The following FHIT variants were observed in gnomAD, a reference collection of about 807,000 sequenced individuals.
The protein encoded by FHIT is fragile histidine triad diadenosine triphosphatase.
A neutral mutation model predicts 17.9 loss-of-function variants in FHIT; 19 were observed. The observed-to-expected ratio is 1.06, with a 90% CI of 0.74 to 1.56. The LOEUF is 1.56. FHIT is among the 40% of genes most tolerant of loss of function. The pLI is 0.00. For missense variants in FHIT, 248 were observed against 189.2 expected (o/e 1.31, Z -1.82); for synonymous variants, 81 against 69.7 (o/e 1.16, Z -0.81).
At chr3:59,785,923 T>A (rs1327303510) in intron 8 of FHIT, among the ~76,000 whole-genome samples, 4 of 152,176 alleles carry the variant, frequency 2.6e-5, no homozygotes, top group Admixed American at 1.3e-4. Flanking sequence ...GCCCCACCTA[T>A]GCGCTCCGCT....
At chr3:60,711,813 T>G (rs2041540963) in intron 4 of FHIT, among the ~76,000 whole-genome samples, 1 of 152,152 alleles carries the variant, frequency 6.6e-6, no homozygotes. Context: ...TACCTGAAGG[T>G]GACGGGGAGA....
intron 5 of FHIT, among the ~76,000 whole-genome samples, chr3:60,054,832 A>G (rs571818012): frequency 2.0e-5 from 3 of 152,282 alleles, no homozygotes; most frequent in Non-Finnish European, 4.4e-5. Context: ...ATGTTTAAAT[A>G]TCATCCTTAG....
At chr3:60,617,650 A>G (rs1385492752) in intron 4 of FHIT, 1 of 153,504 alleles carries the variant, frequency 6.5e-6, no homozygotes, top group Non-Finnish European at 1.5e-5. Flanking sequence ...TGACTATGCC[A>G]AAACAAACTA....
chr3:60,498,450 A>G (rs977579908), intron 5 of FHIT, among the ~76,000 whole-genome samples: 3 of 152,236 alleles, frequency 2.0e-5, no homozygotes, highest in Non-Finnish European at 4.4e-5. Flanking sequence ...AAGAAAATAA[A>G]CACACATATT....
intron 5 of FHIT, among the ~76,000 whole-genome samples, chr3:60,476,280 C>T (rs2033340111): frequency 6.6e-6 from 1 of 152,140 alleles, no homozygotes; most frequent in African/African-American, 2.4e-5. Flanking sequence ...CATGGAGAGA[C>T]TGGAACACAG....
chr3:60,600,265 T>G (rs1402824585), intron 4 of FHIT, among the ~76,000 whole-genome samples: 1 of 152,098 alleles, frequency 6.6e-6, no homozygotes, highest in African/African-American at 2.4e-5. Context: ...AAACCTCTTT[T>G]TTCCATAAGT....
intron 8 of FHIT, among the ~76,000 whole-genome samples, chr3:59,790,364 G>A (rs866907332): frequency 9.9e-5 from 15 of 152,142 alleles, no homozygotes; most frequent in Non-Finnish European, 2.2e-4. Context: ...AGAGGTAGAG[G>A]GCAAATTAAC....
chr3:59,879,791 T>C (rs73100641), intron 8 of FHIT, among the ~76,000 whole-genome samples: 3,322 of 152,294 alleles, frequency 0.022, 45 homozygotes, highest in South Asian at 0.064. Flanking sequence ...TCATATAACA[T>C]GAATGAAGAC....
chr3:60,220,685 C>A (rs1252773891), intron 5 of FHIT, among the ~76,000 whole-genome samples: 1 of 151,966 alleles, frequency 6.6e-6, no homozygotes, highest in African/African-American at 2.4e-5. Context: ...TAAAGGAGGA[C>A]AAGAAAATAG....
chr3:60,314,989 G>C (rs1290110017), intron 5 of FHIT, among the ~76,000 whole-genome samples: 1 of 152,048 alleles, frequency 6.6e-6, no homozygotes, highest in African/African-American at 2.4e-5. Context: ...TCAAGAAACT[G>C]GCATTTCTCT....
At chr3:60,959,801 CTTT>C (rs1246211795) in intron 3 of FHIT, among the ~76,000 whole-genome samples, 6 of 119,660 alleles carry the variant, frequency 5.0e-5, no homozygotes, top group Admixed American at 2.5e-4. Context: ...GAGGCTTTTT[CTTT>C]TTTTTTTTTT....
intron 3 of FHIT, among the ~76,000 whole-genome samples, chr3:60,900,018 G>C (rs1706030631): frequency 6.6e-6 from 1 of 152,174 alleles, no homozygotes; most frequent in Admixed American, 6.5e-5. Context: ...GCCTAGCTAA[G>C]AATCTGCTCA....
At chr3:60,785,934 C>CACACACACAGAGAGAGAGAG (rs139392863) in intron 4 of FHIT, among the ~76,000 whole-genome samples, 3 of 137,892 alleles carry the variant, frequency 2.2e-5, no homozygotes, top group African/African-American at 8.0e-5. Flanking sequence ...CACACACACA[C>CACACACACAGAGAGAGAGAG]AGAGAGAGTA....
At chr3:59,883,431 A>C (rs1703488593) in intron 8 of FHIT, among the ~76,000 whole-genome samples, 2 of 152,208 alleles carry the variant, frequency 1.3e-5, no homozygotes, top group South Asian at 4.1e-4. Flanking sequence ...ATGTGGTGGC[A>C]GGCAAGAGAG....
chr3:60,984,337 G>C (rs77643255), intron 3 of FHIT, among the ~76,000 whole-genome samples: 14,467 of 152,196 alleles, frequency 0.095, 968 homozygotes, highest in East Asian at 0.25. Context: ...TTCTTCTTAA[G>C]CTTTGACATT....
chr3:59,889,753 GA>G (rs1265070939), intron 8 of FHIT, among the ~76,000 whole-genome samples: 11 of 152,184 alleles, frequency 7.2e-5, no homozygotes, highest in Admixed American at 7.2e-4. Context: ...TGCTCATTAA[GA>G]AGACACTAAT....
intron 5 of FHIT, among the ~76,000 whole-genome samples, chr3:60,526,461 A>T (rs958800258): frequency 6.6e-6 from 1 of 152,098 alleles, no homozygotes; most frequent in African/African-American, 2.4e-5. Flanking sequence ...ATTCATGGTC[A>T]TTTACAGGAA....
chr3:60,174,281 T>C (rs1035774378), intron 5 of FHIT, among the ~76,000 whole-genome samples: 12 of 152,110 alleles, frequency 7.9e-5, no homozygotes, highest in African/African-American at 2.9e-4. Context: ...ACCACAAAAA[T>C]GCAGTGTCCT....
intron 5 of FHIT, among the ~76,000 whole-genome samples, chr3:60,094,037 A>G (rs1162343155): frequency 6.6e-6 from 1 of 152,140 alleles, no homozygotes; most frequent in East Asian, 1.9e-4. Context: ...AGCTGACTAT[A>G]TGTGCTCTCA....
Sources: gnomAD v4.1 joint callset for allele counts (sites outside exome capture counted in the v4.1 genomes callset) on GRCh38, gnomAD v4.1.1 for gene constraint, MANE v1.5 for transcripts, NCBI Gene and HGNC (gene_info 2026-07-23, HGNC 2026-07-21) for gene names.